The following ABCF3 variants were observed in gnomAD, a reference collection of about 807,000 sequenced individuals.
The protein encoded by ABCF3 is ATP binding cassette subfamily F member 3, also known as ATP-binding cassette sub-family F member 3.
Under a neutral mutation model 94.3 loss-of-function variants are expected in ABCF3, and 62 were observed. The ratio of observed to expected loss-of-function variants is 0.66; its 90% CI spans 0.54 to 0.81. The LOEUF is 0.81. Among genes scored for constraint, ABCF3 ranks in the 40% least tolerant of loss-of-function variants. ABCF3 has a pLI of 0.00. For missense variants in ABCF3, 843 were observed against 925.3 expected (o/e 0.91, Z 1.15); for synonymous variants, 355 against 361.1 (o/e 0.98, Z 0.19).
chr3:184,191,769 A>G (rs544282330), intron 16 of ABCF3, among the ~76,000 whole-genome samples: 20 of 69,676 alleles, frequency 2.9e-4, no homozygotes, highest in African/African-American at 1.4e-3. Context: ...TTTTTCGGAG[A>G]CAGAGTCCTG....
chr3:184,187,620 T>C, intron 4 of ABCF3, 44 bp from the exon 5 acceptor site: 3 of 1,609,954 alleles, frequency 1.9e-6, no homozygotes, highest in Non-Finnish European at 2.6e-6. Context: ...GGTTCCTTTC[T>C]GAGCCTACAC....
At chr3:184,189,229 C>A in intron 10 of ABCF3, 26 bp from the exon 11 acceptor site, 1 of 1,614,186 alleles carries the variant, frequency 6.2e-7, no homozygotes, top group Non-Finnish European at 8.5e-7. Context: ...GACCTAAAAC[C>A]TCAGGCCATG....
chr3:184,186,725 A>T, intron 2 of ABCF3, 71 bp downstream of exon 2: 1 of 1,590,982 alleles, frequency 6.3e-7, no homozygotes, highest in Non-Finnish European at 8.6e-7. Context: ...GAGGTGGGGG[A>T]GGAAGATCTG....
chr3:184,193,076 A>G lies in ABCF3; in HGVS notation c.1751-26A>G, dbSNP rs1716129477. The G allele has an allele frequency of 1.3e-6, 2 of 1,534,728 alleles. No homozygotes were observed. The highest frequency in any genetic ancestry group is 8.8e-7 in the Non-Finnish European group (1 of 1,141,670). On this transcript the variant is annotated intron_variant, in intron 18 of 20. Transcript: ENST00000429586. This position sits in a 1 kb window ranked among gnomAD's most constrained non-coding sequence, Gnocchi z 5.2. ...AGGGAGGGTGTTGGGCCAAGAAGCC[A>G]CCTGATCTGGGGAGTCCTTTTCCAG...
chr3:184,192,507 T>G, intron 16 of ABCF3, 94 bp from the exon 17 acceptor site: 1 of 1,181,664 alleles, frequency 8.5e-7, no homozygotes, highest in South Asian at 1.4e-5. Context: ...TCTACTTCTA[T>G]GTGCTCAACA....
At position 184,193,177 on chromosome 3, in the gene ABCF3, C is replaced by G; in HGVS notation, c.1826C>G (p.Ala609Gly). 6.4e-7 allele frequency: 1 copy of G among 1,567,848 alleles called. No individual in the cohort carries two copies. Among genetic ancestry groups the G allele is most frequent in the Non-Finnish European group, 8.6e-7 (1 of 1,157,132 alleles). Residue 609 changes from alanine to glycine, a missense_variant, in exon 19 of 21, where the codon GCC becomes GGC. Physicochemically the swap from Ala to Gly is moderately conservative, Grantham distance 60. Coordinates refer to ENST00000429586, the MANE Select transcript of ABCF3 (RefSeq NM_018358.3). The surrounding 1 kb of genome is among the most constrained non-coding windows in gnomAD (Gnocchi z 5.2). ...GGAGAACTGGCCATGCGTCCTCTTG[C>G]CAGCCTGTCTGGGGGCCAGAAGAGC... ...ISGELAMRPL[A>G]SLSGGQKSRV... is the part of the protein sequence containing the mutation.
intron 14 of ABCF3, chr3:184,190,212 G>T: frequency 1.9e-6 from 1 of 513,100 alleles, no homozygotes; most frequent in Non-Finnish European, 3.5e-6. Context: ...CTTTGTGCCT[G>T]GTGTCTTTTA....
At chr3:184,190,838 A>AT (rs796400694) in intron 14 of ABCF3, 161 bp from the exon 15 acceptor site, 2 of 847,826 alleles carry the variant, frequency 2.4e-6, no homozygotes, top group African/African-American at 3.4e-5. Context: ...GCCTAATTCT[A>AT]TTTTTTAGCA....
At position 184,193,909 on chromosome 3, in the gene ABCF3, T is replaced by C. The variant is rs1716192394; in HGVS notation, c.*211T>C. ...AGGACTGGTCTCCCGGGGGTGGGGG[T>C]CTGGGGGGTACCCTCTGGGGTTATA... is the stretch of plus-strand genomic sequence containing the variant. On this transcript the variant is annotated 3_prime_UTR_variant, in exon 21 of 21. Transcript: ENST00000429586. The surrounding 1 kb of genome is among the most constrained non-coding windows in gnomAD (Gnocchi z 5.2). 5.1e-5 allele frequency: 32 copies of C among 626,620 alleles called. No homozygotes were observed. In the South Asian group the frequency reaches 7.1e-4, roughly 14 times the overall value. The allele number at this position is 626,620 out of a possible 1,614,324, so 38.8% of individuals were successfully genotyped here.
At position 184,188,999 on chromosome 3, in the gene ABCF3, C is replaced by A; in HGVS notation, c.977+11C>A. 6.2e-7 allele frequency: 1 copy of A among 1,614,244 alleles called. No individual in the cohort carries two copies. ...GCAGCAGCCCACCCGGTGAGTGACC[C>A]TTGCCATTCTTGGCTTTGAACCCTG... On this transcript the variant is annotated intron_variant, in intron 9 of 20. Transcript: ENST00000429586.
chr3:184,187,681 G>C lies in ABCF3; in HGVS notation c.366G>C (p.Lys122Asn), dbSNP rs1340485364. The stretch of plus-strand genomic sequence containing the variant: ...ACCCTTAGACAGTGAATGCAAAGAA[G>C]TTAGAGAAGGCCGAGGCTCGACTTA... ...REQSSTVNAKKLEKAEARLKA... is the reference protein window; with the variant it reads ...REQSSTVNAKNLEKAEARLKA... The change falls in exon 5 of 21, where the codon AAG (lysine) becomes AAC (asparagine). Residue 122 changes from lysine to asparagine, a missense_variant. By Grantham distance (94) the Lys-to-Asn change is moderately conservative. Transcript: ENST00000429586. The C allele has an allele frequency of 6.2e-7, 1 of 1,614,084 alleles. No homozygotes were observed. Among genetic ancestry groups the C allele is most frequent in the East Asian group, 2.2e-5 (1 of 44,902 alleles).
At chr3:184,189,301 G>C in intron 11 of ABCF3, 24 bp downstream of exon 11, 3 of 1,614,208 alleles carry the variant, frequency 1.9e-6, no homozygotes, top group Non-Finnish European at 2.5e-6. Context: ...GGGGCACCCT[G>C]ACTTTAGGAT....
intron 7 of ABCF3, 117 bp from the exon 8 acceptor site, chr3:184,188,644 G>A: frequency 1.7e-6 from 2 of 1,143,898 alleles, no homozygotes; most frequent in Non-Finnish European, 2.5e-6. Flanking sequence ...AACCCTTCCT[G>A]TATTCTCTTC....
At chr3:184,186,717 G>C in intron 2 of ABCF3, 63 bp downstream of exon 2, 1 of 1,591,632 alleles carries the variant, frequency 6.3e-7, no homozygotes, top group East Asian at 2.2e-5. Flanking sequence ...GGAGACAAGA[G>C]GTGGGGGAGG....
chr3:184,186,221 C>G lies in ABCF3; in HGVS notation c.14C>G (p.Ala5Gly). 6.2e-7 allele frequency: 1 copy of G among 1,614,182 alleles called. No homozygotes were observed. Among genetic ancestry groups the G allele is most frequent in the Non-Finnish European group, 8.5e-7 (1 of 1,180,040 alleles). Residue 5 changes from alanine to glycine, a missense_variant, in exon 1 of 21, where the codon GCC becomes GGC. Physicochemically the swap from Ala to Gly is moderately conservative, Grantham distance 60. Coordinates refer to ENST00000429586, the MANE Select transcript of ABCF3 (RefSeq NM_018358.3). ...CCTGAGTGGAACATGGCGACTTGCGCCGAAATCCTGCGGAGCGAGTTCCCC... is the reference window on the plus strand; with the variant it reads ...CCTGAGTGGAACATGGCGACTTGCGGCGAAATCCTGCGGAGCGAGTTCCCC... Reference protein sequence around the residue: MATCAEILRSEFPEI... With the variant: MATCGEILRSEFPEI...
In ABCF3 at chr3:184,189,886, A is replaced by G. The variant is rs371408583; in HGVS notation, c.1346A>G (p.Asn449Ser). ...ATTGACCGGTTTCGCTACAATGCCAACAGGGCCTCTCAAGTGCAGAGTAAA... is the reference window on the plus strand; with the variant it reads ...ATTGACCGGTTTCGCTACAATGCCAGCAGGGCCTCTCAAGTGCAGAGTAAA... The part of the protein sequence containing the change: ...VFIDRFRYNA[N>S]RASQVQSKLK... Residue 449 changes from asparagine to serine, a missense_variant, in exon 14 of 21, where the codon AAC (asparagine) becomes AGC (serine). By Grantham distance (46) the Asn-to-Ser change is conservative. Transcript: ENST00000429586. The G allele has an allele frequency of 1.2e-6, 2 of 1,614,234 alleles. No individual in the cohort carries two copies. The highest frequency in any genetic ancestry group is 1.7e-6 in the Non-Finnish European group (2 of 1,180,044).
intron 1 of ABCF3, 102 bp from the exon 2 acceptor site, chr3:184,186,405 G>A (rs1251186992): frequency 3.2e-6 from 5 of 1,581,614 alleles, no homozygotes; most frequent in Non-Finnish European, 8.6e-7. Context: ...CCCGGGGGCT[G>A]GTTGGGTCTG....
chr3:184,188,654 C>G, intron 7 of ABCF3, 107 bp from the exon 8 acceptor site: 1 of 1,205,044 alleles, frequency 8.3e-7, no homozygotes, highest in Non-Finnish European at 1.2e-6. Flanking sequence ...GTATTCTCTT[C>G]CTCTTCCAGC....
At chr3:184,186,712 C>T in intron 2 of ABCF3, 58 bp downstream of exon 2, 1 of 1,591,380 alleles carries the variant, frequency 6.3e-7, no homozygotes, top group African/African-American at 1.3e-5. Flanking sequence ...GGTCCGGAGA[C>T]AAGAGGTGGG....
Sources: gnomAD v4.1 joint callset for allele counts (sites outside exome capture counted in the v4.1 genomes callset) on GRCh38, gnomAD v4.1.1 for gene constraint, Gnocchi (gnomAD v3.1) non-coding constraint, MANE v1.5 for transcripts, NCBI Gene and HGNC (gene_info 2026-07-23, HGNC 2026-07-21) for gene names.